MSRA: variants seen among roughly 807,000 people sequenced by gnomAD.
MSRA encodes the protein mitochondrial peptide methionine sulfoxide reductase.
Under a neutral mutation model 31.3 loss-of-function variants are expected in MSRA, and 54 were observed. The observed-to-expected ratio is 1.73, with a 90% CI of 1.39 to 2.17. The LOEUF is 2.17. MSRA is among the 30% of genes most tolerant of loss of function. The pLI is 0.00. For missense variants in MSRA, 507 were observed against 300.9 expected, an observed-to-expected ratio of 1.69 and a Z score of -5.07; for synonymous variants, 169 against 116.5, an observed-to-expected ratio of 1.45 and a Z score of -2.90.
chr8:10,316,787 G>T (rs1448192336), intron 4 of MSRA, among the ~76,000 whole-genome samples: 1 of 152,146 alleles, frequency 6.6e-6, no homozygotes, highest in Admixed American at 6.5e-5. Context: ...GGTGTCACCT[G>T]GATAATAAGA....
intron 5 of MSRA, among the ~76,000 whole-genome samples, chr8:10,378,034 G>A (rs1016910165): frequency 2.0e-5 from 3 of 152,230 alleles, no homozygotes; most frequent in Non-Finnish European, 4.4e-5. Flanking sequence ...AAAGGCCCCG[G>A]GTGGCCAGGC....
At chr8:10,371,330 C>A (rs570470540) in intron 5 of MSRA, among the ~76,000 whole-genome samples, 1 of 152,196 alleles carries the variant, frequency 6.6e-6, no homozygotes, top group Non-Finnish European at 1.5e-5. Context: ...AGCGCGCTCT[C>A]ATGCTGGACA....
intron 3 of MSRA, among the ~76,000 whole-genome samples, chr8:10,270,407 G>GAAAAAA (rs58968857): frequency 6.9e-6 from 1 of 145,552 alleles, no homozygotes. Flanking sequence ...GAAGCATACT[G>GAAAAAA]AAAAAAAAAA....
chr8:10,241,955 T>A (rs1269491426), intron 2 of MSRA, among the ~76,000 whole-genome samples: 1 of 152,138 alleles, frequency 6.6e-6, no homozygotes, highest in Non-Finnish European at 1.5e-5. Context: ...AGGAAAAGAA[T>A]GGAGACAATG....
chr8:10,054,818 C>T (rs1220691209), intron 1 of MSRA, among the ~76,000 whole-genome samples, 160 bp downstream of exon 1: 3 of 152,174 alleles, frequency 2.0e-5, no homozygotes, highest in East Asian at 1.9e-4. Context: ...CGGCAGTGGC[C>T]GGGGAGACGC....
Position 10,411,713 on chromosome 8 carries a change from A to G in MSRA, c.544-16435A>G, listed in dbSNP as rs114739279. The G allele has an allele frequency of 1.6e-3, 237 of 152,386 alleles. 3 individuals are homozygous for G. The highest frequency in any genetic ancestry group is 5.4e-3 in the African/African-American group (225 of 41,592). 9.4% of individuals were successfully genotyped at this position (152,386 alleles called of 1,614,324 possible). ...ACAACCTTTATTGTCTTAATCAGTG[A>G]ATAAAAAAAATAAAGTTGCTAAGTC... On this transcript the variant is annotated intron_variant, in intron 5 of 5. Coordinates refer to ENST00000317173, the MANE Select transcript of MSRA (RefSeq NM_012331.5).
chr8:10,396,039 G>A (rs959817827), intron 5 of MSRA, among the ~76,000 whole-genome samples: 6 of 152,148 alleles, frequency 3.9e-5, no homozygotes, highest in African/African-American at 1.4e-4. Context: ...CTCTAAGGCA[G>A]CTCCCTCCCT....
At chr8:10,237,528 A>G (rs543200772) in intron 2 of MSRA, among the ~76,000 whole-genome samples, 1 of 152,376 alleles carries the variant, frequency 6.6e-6, no homozygotes, top group South Asian at 2.1e-4. Context: ...ATGGAATTTG[A>G]CAAGCTGATA....
At chr8:10,112,378 CCT>C (rs1477594852) in intron 1 of MSRA, among the ~76,000 whole-genome samples, 13 of 152,326 alleles carry the variant, frequency 8.5e-5, no homozygotes, top group African/African-American at 3.1e-4. Flanking sequence ...TAGAAGGCTA[CCT>C]CTCTCACATA....
At chr8:10,280,684 C>G (rs1036964683) in intron 3 of MSRA, among the ~76,000 whole-genome samples, 3 of 152,206 alleles carry the variant, frequency 2.0e-5, no homozygotes, top group Admixed American at 2.0e-4. Context: ...ACCCAAGAGT[C>G]ATGACAACCT....
intron 4 of MSRA, among the ~76,000 whole-genome samples, chr8:10,308,751 C>A (rs1027101058): frequency 2.6e-5 from 4 of 152,202 alleles, no homozygotes; most frequent in Non-Finnish European, 4.4e-5. Flanking sequence ...TGAGCTCTTT[C>A]TTGCCTCGCA....
At chr8:10,225,882 T>C (rs1246416506) in intron 2 of MSRA, among the ~76,000 whole-genome samples, 2 of 152,032 alleles carry the variant, frequency 1.3e-5, no homozygotes, top group African/African-American at 4.8e-5. Context: ...AGGAAAATGG[T>C]TGGGAGATAG....
chr8:10,413,432 T>C (rs1214604419), intron 5 of MSRA, among the ~76,000 whole-genome samples: 2 of 152,188 alleles, frequency 1.3e-5, no homozygotes, highest in African/African-American at 4.8e-5. Context: ...AACACCACAC[T>C]GTGGGGCAGG....
At chr8:10,392,054 G>A (rs1350488737) in intron 5 of MSRA, among the ~76,000 whole-genome samples, 1 of 152,202 alleles carries the variant, frequency 6.6e-6, no homozygotes, top group Non-Finnish European at 1.5e-5. Flanking sequence ...GAGGTGGGAA[G>A]GTTTGGTGGA....
rs192312670 is a variant in MSRA at position 10,101,727 on chromosome 8, T to C, written c.142+47069T>C. 1.3e-5 allele frequency among the ~76,000 whole-genome samples: 2 copies of C among 152,334 alleles called. 1 individual carries two copies. Among genetic ancestry groups the C allele is most frequent in the Non-Finnish European group, 2.9e-5 (2 of 68,022 alleles). ...AGCATGTGTCAGAATTTCCTTCTTT[T>C]ATGAGGCTGAATAATACTCTATTGT... On this transcript the variant is annotated intron_variant, in intron 1 of 5. Coordinates refer to ENST00000317173, the MANE Select transcript of MSRA (RefSeq NM_012331.5).
At chr8:10,232,537 A>G (rs1811582547) in intron 2 of MSRA, among the ~76,000 whole-genome samples, 1 of 152,224 alleles carries the variant, frequency 6.6e-6, no homozygotes, top group South Asian at 2.1e-4. Context: ...TTAGAGAATC[A>G]CATTTGAACA....
intron 5 of MSRA, among the ~76,000 whole-genome samples, chr8:10,403,547 G>C (rs984135614): frequency 1.3e-5 from 2 of 152,164 alleles, no homozygotes; most frequent in Non-Finnish European, 2.9e-5. Context: ...GGGGAAGGTG[G>C]TCCGCGGCAC....
At chr8:10,197,769 G>A (rs980970951) in intron 1 of MSRA, among the ~76,000 whole-genome samples, 1 of 152,178 alleles carries the variant, frequency 6.6e-6, no homozygotes, top group Admixed American at 6.5e-5. Flanking sequence ...ACTTGGCCCT[G>A]ACCAGAGAGG....
intron 3 of MSRA, among the ~76,000 whole-genome samples, chr8:10,255,933 C>T (rs1442492844): frequency 2.0e-5 from 3 of 152,092 alleles, no homozygotes; most frequent in East Asian, 3.9e-4. Context: ...CCACCATGCC[C>T]GCTATCAACA....
Sources: allele counts gnomAD v4.1 joint callset (sites outside exome capture counted in the v4.1 genomes callset), GRCh38; gene constraint gnomAD v4.1.1; transcripts MANE v1.5; gene names NCBI Gene and HGNC (gene_info 2026-07-23, HGNC 2026-07-21).